Variants in EIF4G3 observed in about 807,000 individuals in gnomAD.
The protein encoded by EIF4G3 is eukaryotic translation initiation factor 4 gamma 3, also known as eIF-4-gamma 3.
EIF4G3 carries 34 observed loss-of-function variants against 186.4 expected under a neutral mutation model. The ratio of observed to expected loss-of-function variants is 0.18; its 90% CI spans 0.14 to 0.24. The LOEUF (loss-of-function observed/expected upper bound fraction) is 0.24. EIF4G3 is among the 10% of genes least tolerant of loss of function. EIF4G3 has a pLI of 1.00. For missense variants in EIF4G3, 1,536 were observed against 1,948.5 expected, an observed-to-expected ratio of 0.79 and a Z score of 3.99; for synonymous variants, 673 against 679.5, an observed-to-expected ratio of 0.99 and a Z score of 0.15.
At chr1:21,064,014 C>T (rs1261663166) in intron 3 of EIF4G3, among the ~76,000 whole-genome samples, 1 of 152,008 alleles carries the variant, frequency 6.6e-6, no homozygotes, top group Non-Finnish European at 1.5e-5. Context: ...AGGCATGAGC[C>T]ACCATGCCCA....
intron 30 of EIF4G3, among the ~76,000 whole-genome samples, chr1:20,835,476 A>C (rs1017873247): frequency 6.6e-6 from 1 of 152,300 alleles, no homozygotes; most frequent in Non-Finnish European, 1.5e-5. Context: ...AAAATCAAGA[A>C]ACCCTTATCT....
In EIF4G3 at chr1:20,815,509, C is replaced by T. The variant is rs1378816597; in HGVS notation, c.4515+1883G>A. ...GAGGTGAGGAGCGTCTCTGCCCGGC[C>T]GCCCCGTCTGAGAAGTGAGGAAACC... is the stretch of plus-strand genomic sequence containing the variant. On this transcript the variant is annotated intron_variant, in intron 34 of 36. Coordinates refer to ENST00000602326, the MANE Select transcript of EIF4G3 (RefSeq NM_001391906.1). 6.6e-5 allele frequency among the ~76,000 whole-genome samples: 10 copies of T among 152,054 alleles called. No homozygotes were observed. In the East Asian group the frequency reaches 7.8e-4, roughly 12 times the overall value.
rs1242251759 is a variant in EIF4G3 at position 20,966,286 on chromosome 1, A to G, written c.714+3188T>C. On this transcript the variant is annotated intron_variant, in intron 12 of 36. Transcript: ENST00000602326. Reference sequence around the variant, plus strand: ...GTCTCATCTGTAGTCTTCTAACCAGATATGATTCTGTATTTATCTGGATTG... The same window carrying G: ...GTCTCATCTGTAGTCTTCTAACCAGGTATGATTCTGTATTTATCTGGATTG... 2.0e-5 allele frequency among the ~76,000 whole-genome samples: 3 copies of G among 152,350 alleles called. No homozygotes were observed. The East Asian group carries it at 5.8e-4, about 29-fold the overall frequency.
rs762113871 is a variant in EIF4G3 at position 20,807,457 on chromosome 1, C to G, written c.4788G>C (p.Val1596=). ...ATTTGTAGAAGGCATCCTCGGAGATCACCTCCTCGTCATATAGACAATCAA... is the reference window on the plus strand; with the variant it reads ...ATTTGTAGAAGGCATCCTCGGAGATGACCTCCTCGTCATATAGACAATCAA... The part of the protein sequence containing the change: ...MFFDCLYDEE[V]ISEDAFYKWE... The change falls in exon 37 of 37, where the codon GTG becomes GTC. Residue 1596 remains valine, a synonymous_variant. Coordinates refer to ENST00000602326, the MANE Select transcript of EIF4G3 (RefSeq NM_001391906.1). 3 of 1,611,082 alleles carry G rather than the reference C, an allele frequency of 1.9e-6. No homozygotes were observed. Among genetic ancestry groups the G allele is most frequent in the Non-Finnish European group, 2.5e-6 (3 of 1,177,960 alleles).
chr1:21,166,633 A>C (rs1265924908), intron 2 of EIF4G3, among the ~76,000 whole-genome samples: 1 of 152,198 alleles, frequency 6.6e-6, no homozygotes, highest in Non-Finnish European at 1.5e-5. Context: ...AGGCTGAGGC[A>C]TGAGAATTGC....
At chr1:21,020,711 A>C (rs1221519260) in intron 4 of EIF4G3, among the ~76,000 whole-genome samples, 1 of 152,222 alleles carries the variant, frequency 6.6e-6, no homozygotes, top group Non-Finnish European at 1.5e-5. Flanking sequence ...CAACTAAAAC[A>C]TTTTAAAATA....
intron 1 of EIF4G3, 22 bp downstream of exon 1, chr1:21,176,700 G>A (rs1301415995): frequency 1.3e-5 from 8 of 634,908 alleles, no homozygotes; most frequent in Admixed American, 2.6e-5. Flanking sequence ...CCCGGCGGGG[G>A]CAGGAGGCGG....
At chr1:21,165,217 A>G (rs1048722940) in intron 2 of EIF4G3, among the ~76,000 whole-genome samples, 1 of 152,252 alleles carries the variant, frequency 6.6e-6, no homozygotes, top group African/African-American at 2.4e-5. Flanking sequence ...TGAAATCCTC[A>G]TACATTGTTG....
chr1:21,154,980 C>T (rs1429127334), intron 2 of EIF4G3, among the ~76,000 whole-genome samples: 1 of 151,892 alleles, frequency 6.6e-6, no homozygotes, highest in Non-Finnish European at 1.5e-5. Context: ...ATATATAGGC[C>T]AGCGGGGCAC....
chr1:21,119,442 T>C (rs1472527673), intron 2 of EIF4G3, among the ~76,000 whole-genome samples: 1 of 152,140 alleles, frequency 6.6e-6, no homozygotes, highest in African/African-American at 2.4e-5. Context: ...CAACCTAATT[T>C]TCCCGGGTCA....
chr1:21,078,490 A>G (rs2095658448), intron 3 of EIF4G3, among the ~76,000 whole-genome samples: 3 of 152,242 alleles, frequency 2.0e-5, no homozygotes, highest in Admixed American at 2.0e-4. Flanking sequence ...TGGTTGGTTA[A>G]TGAGTACAAA....
chr1:21,074,786 C>A (rs1350181062), intron 3 of EIF4G3, among the ~76,000 whole-genome samples: 1 of 152,058 alleles, frequency 6.6e-6, no homozygotes, highest in African/African-American at 2.4e-5. Context: ...AAAAAGAAAA[C>A]TAATCCAGGT....
intron 16 of EIF4G3, among the ~76,000 whole-genome samples, chr1:20,899,349 G>A (rs2089538917): frequency 6.6e-6 from 1 of 152,064 alleles, no homozygotes; most frequent in African/African-American, 2.4e-5. Flanking sequence ...GATGACTAAC[G>A]CCATCTCGAG....
chr1:21,134,457 T>C (rs996409786), intron 2 of EIF4G3, among the ~76,000 whole-genome samples: 44 of 152,070 alleles, frequency 2.9e-4, no homozygotes, highest in Admixed American at 1.7e-3. Flanking sequence ...TCACATGAGG[T>C]TAGGAGTTTA....
intron 10 of EIF4G3, 28 bp from the exon 11 acceptor site, chr1:20,973,127 C>T (rs774947444): frequency 1.3e-6 from 2 of 1,536,450 alleles, no homozygotes; most frequent in Non-Finnish European, 1.8e-6. Flanking sequence ...ATTAAATAGG[C>T]ATTCAGTTAT....
chr1:21,099,167 G>C (rs138602152), intron 2 of EIF4G3, among the ~76,000 whole-genome samples: 15 of 152,202 alleles, frequency 9.9e-5, no homozygotes, highest in Admixed American at 1.3e-4. Context: ...CACGTTGGTA[G>C]AGTGCAAAAT....
chr1:20,906,042 T>C (rs899452695), intron 14 of EIF4G3, among the ~76,000 whole-genome samples: 18 of 152,206 alleles, frequency 1.2e-4, no homozygotes, highest in African/African-American at 3.6e-4. Flanking sequence ...TTAATTTTTT[T>C]CCTCAAAATT....
chr1:20,860,610 A>G (rs1276317159), intron 23 of EIF4G3, 93 bp from the exon 24 acceptor site: 33 of 1,375,928 alleles, frequency 2.4e-5, no homozygotes, highest in Non-Finnish European at 3.1e-5. Context: ...AAAAGTACAA[A>G]ATACCTACAA....
chr1:20,973,972 G>T (rs1485369608), intron 10 of EIF4G3, among the ~76,000 whole-genome samples: 1 of 152,134 alleles, frequency 6.6e-6, no homozygotes, highest in Admixed American at 6.6e-5. Context: ...CTGATGAATT[G>T]GATACTGGTG....
Sources: gnomAD v4.1 joint callset for allele counts (sites outside exome capture counted in the v4.1 genomes callset) on GRCh38, gnomAD v4.1.1 for gene constraint, MANE v1.5 for transcripts, NCBI Gene and HGNC (gene_info 2026-07-23, HGNC 2026-07-21) for gene names.